PEX14: variants seen among roughly 807,000 people sequenced by gnomAD.
PEX14 encodes peroxisomal biogenesis factor 14.
PEX14 carries 15 observed loss-of-function variants against 49.5 expected under a neutral mutation model. That is an observed-to-expected ratio of 0.30 (90% CI 0.20 to 0.47). The LOEUF is 0.47. PEX14 is among the 20% of genes least tolerant of loss of function. The probability of loss-of-function intolerance (pLI) is 1.00; values close to 1 mark genes in which losing one functional copy is unlikely to be tolerated. For missense variants in PEX14, 398 were observed against 494.8 expected, an observed-to-expected ratio of 0.80 and a Z score of 1.86; for synonymous variants, 210 against 212.7, an observed-to-expected ratio of 0.99 and a Z score of 0.11.
rs1016105150 is a variant in PEX14 at position 10,512,847 on chromosome 1, G to C, written c.84+17526G>C. On this transcript the variant is annotated intron_variant, in intron 2 of 8. Transcript: ENST00000356607. This position sits in a 1 kb window ranked among gnomAD's most constrained non-coding sequence, Gnocchi z 4.6. ...TGAGTAGCTGGGACTACAGGCGTGT[G>C]CCACCACGCCCGGCTAATTTTTTGT... Among the ~76,000 whole-genome samples the C allele has an allele frequency of 6.6e-6, 1 of 152,094 alleles. No homozygotes were observed. The highest frequency in any genetic ancestry group is 6.5e-5 in the Admixed American group (1 of 15,282).
At chr1:10,537,481 T>G (rs995553683) in intron 3 of PEX14, among the ~76,000 whole-genome samples, 5 of 152,056 alleles carry the variant, frequency 3.3e-5, no homozygotes, top group Admixed American at 6.6e-5. Flanking sequence ...TCATAAAAGC[T>G]TAGGGATTTC....
chr1:10,610,238 A>G (rs556270798), intron 4 of PEX14, among the ~76,000 whole-genome samples: 3 of 148,472 alleles, frequency 2.0e-5, no homozygotes, highest in South Asian at 2.1e-4. Flanking sequence ...ACTTTCTCCT[A>G]TATTGTCTTC....
chr1:10,571,925 G>A (rs1639989313), intron 3 of PEX14, among the ~76,000 whole-genome samples: 1 of 152,166 alleles, frequency 6.6e-6, no homozygotes, highest in African/African-American at 2.4e-5. Context: ...AAAAATAAAG[G>A]GAGGGAGTTT....
chr1:10,594,199 C>A (rs1442857847), intron 3 of PEX14, among the ~76,000 whole-genome samples: 2 of 152,308 alleles, frequency 1.3e-5, no homozygotes, highest in South Asian at 4.1e-4. Context: ...TACTTTTCCC[C>A]TTCCCCTCCC....
intron 2 of PEX14, among the ~76,000 whole-genome samples, chr1:10,531,438 G>A (rs1214335370): frequency 2.0e-5 from 3 of 152,194 alleles, no homozygotes. Context: ...AACTCGAGTT[G>A]GCTTTGGTCT....
Position 10,516,911 on chromosome 1 carries a change from C to T in PEX14, c.85-19302C>T, listed in dbSNP as rs1167159275. 5 of 152,396 alleles carry T rather than the reference C, an allele frequency of 3.3e-5. No homozygotes were observed. The East Asian group carries it at 5.8e-4, about 18-fold the overall frequency. 9.4% of individuals were successfully genotyped at this position (152,396 alleles called of 1,614,324 possible). On this transcript the variant is annotated intron_variant, in intron 2 of 8. Coordinates refer to ENST00000356607, the MANE Select transcript of PEX14 (RefSeq NM_004565.3). ...TTCTCTAGACCTGGAGAGCAACAGC[C>T]GTGCCTCACAAGCCCTTCTCCACAT...
At chr1:10,554,987 C>A (rs561785644) in intron 3 of PEX14, among the ~76,000 whole-genome samples, 1 of 152,170 alleles carries the variant, frequency 6.6e-6, no homozygotes, top group African/African-American at 2.4e-5. Flanking sequence ...TCTCTAGAGG[C>A]ATCTTCCTCA....
At chr1:10,484,693 T>C (rs1025188443) in intron 1 of PEX14, among the ~76,000 whole-genome samples, 4 of 151,640 alleles carry the variant, frequency 2.6e-5, no homozygotes. Context: ...ACCAGGCTAC[T>C]ATTGAGAAAT....
intron 3 of PEX14, among the ~76,000 whole-genome samples, chr1:10,570,425 C>T (rs190725130): frequency 4.6e-5 from 7 of 152,198 alleles, no homozygotes; most frequent in African/African-American, 1.7e-4. Context: ...CTCCACCTCC[C>T]GTGTTCAAGC....
intron 3 of PEX14, among the ~76,000 whole-genome samples, chr1:10,596,699 A>G (rs572167372): frequency 6.6e-6 from 1 of 152,292 alleles, no homozygotes; most frequent in South Asian, 2.1e-4. Flanking sequence ...TATCTGTTAA[A>G]TGAGGGCAGT....
At chr1:10,606,743 C>T (rs1361520694) in intron 4 of PEX14, among the ~76,000 whole-genome samples, 1 of 152,110 alleles carries the variant, frequency 6.6e-6, no homozygotes, top group Non-Finnish European at 1.5e-5. Flanking sequence ...TCTCTTGGTC[C>T]CAGCTGCAAG....
chr1:10,535,515 CAT>C (rs1638773549), intron 2 of PEX14, among the ~76,000 whole-genome samples: 2 of 152,224 alleles, frequency 1.3e-5, no homozygotes, highest in Admixed American at 1.3e-4. Context: ...TTGTCTCCGA[CAT>C]AATCCCTTCC....
At chr1:10,483,627 T>A (rs1227047569) in intron 1 of PEX14, among the ~76,000 whole-genome samples, 2 of 151,820 alleles carry the variant, frequency 1.3e-5, no homozygotes, top group Admixed American at 1.3e-4. Flanking sequence ...GCCAAGTTTT[T>A]TTTTAGTATT....
Position 10,589,561 on chromosome 1 carries a change from T to TTTTG in PEX14, c.170-9647_170-9644dup, listed in dbSNP as rs59290449. On this transcript the variant is annotated intron_variant, in intron 3 of 8. Coordinates refer to ENST00000356607, the MANE Select transcript of PEX14 (RefSeq NM_004565.3). Reference sequence around the variant, plus strand: ...CACCATGCCCAGCTAATTTTTGTAGTTTTGTTTGTTTGTTTGTTTGTTTGT... The same window carrying TTTTG: ...CACCATGCCCAGCTAATTTTTGTAGTTTTGTTTGTTTGTTTGTTTGTTTGTTTGT... 4.3e-3 allele frequency among the ~76,000 whole-genome samples: 648 copies of TTTTG among 150,138 alleles called. 17 individuals carry two copies. Among genetic ancestry groups the TTTTG allele is most frequent in the Admixed American group, 0.035 (530 of 15,082 alleles).
At chr1:10,559,693 C>T (rs1217346772) in intron 3 of PEX14, among the ~76,000 whole-genome samples, 3 of 152,180 alleles carry the variant, frequency 2.0e-5, no homozygotes, top group Non-Finnish European at 4.4e-5. Flanking sequence ...GAAACATGGA[C>T]GCTGTAGGAC....
At chr1:10,591,231 G>A (rs574744166) in intron 3 of PEX14, among the ~76,000 whole-genome samples, 1 of 152,274 alleles carries the variant, frequency 6.6e-6, no homozygotes, top group South Asian at 2.1e-4. Flanking sequence ...CAGAACAGAT[G>A]TCTGCCTTTT....
chr1:10,494,291 G>T lies in PEX14; in HGVS notation c.37-983G>T, dbSNP rs1196003761. Among the ~76,000 whole-genome samples, 1 of 152,170 alleles carries T rather than the reference G, an allele frequency of 6.6e-6. No homozygotes were observed. The highest frequency in any genetic ancestry group is 2.4e-5 in the African/African-American group (1 of 41,432). On this transcript the variant is annotated intron_variant, in intron 1 of 8. Transcript: ENST00000356607. The surrounding 1 kb of genome is among the most constrained non-coding windows in gnomAD (Gnocchi z 4.3). ...CCAAGGCGGCCTGGCACTTCCATCT[G>T]ATCTGTAATAGCCGGGAGAATGGAG... is the stretch of plus-strand genomic sequence containing the variant.
intron 3 of PEX14, 44 bp from the exon 4 acceptor site, chr1:10,599,194 C>T (rs1231374207): frequency 1.2e-5 from 19 of 1,607,516 alleles, no homozygotes; most frequent in Non-Finnish European, 1.4e-5. Flanking sequence ...GCTATGGACA[C>T]TGACAAAAGG....
chr1:10,559,542 G>C (rs1191015309), intron 3 of PEX14, among the ~76,000 whole-genome samples: 1 of 152,180 alleles, frequency 6.6e-6, no homozygotes, highest in Non-Finnish European at 1.5e-5. Context: ...CAAAGCCACT[G>C]CCTGGAGAGG....
Sources: allele counts gnomAD v4.1 joint callset (sites outside exome capture counted in the v4.1 genomes callset), GRCh38; gene constraint gnomAD v4.1.1; non-coding constraint Gnocchi (gnomAD v3.1); transcripts MANE v1.5; gene names NCBI Gene and HGNC (gene_info 2026-07-23, HGNC 2026-07-21).